The following NEK3 variants were observed in gnomAD, a reference collection of about 807,000 sequenced individuals.
NEK3 encodes serine/threonine-protein kinase Nek3.
Under a neutral mutation model 66.0 loss-of-function variants are expected in NEK3, and 54 were observed. The ratio of observed to expected loss-of-function variants is 0.82; its 90% CI spans 0.66 to 1.03. The LOEUF is 1.03. Ranked by LOEUF, NEK3 falls within the 50% of genes least tolerant of loss-of-function variation. The pLI is 0.00. For missense variants in NEK3, 593 were observed against 603.0 expected (o/e 0.98, Z 0.17); for synonymous variants, 200 against 206.2 (o/e 0.97, Z 0.26).
At chr13:52,142,444 T>C (rs1304619157) in intron 10 of NEK3, among the ~76,000 whole-genome samples, 1 of 152,024 alleles carries the variant, frequency 6.6e-6, no homozygotes, top group Admixed American at 6.6e-5. Context: ...GCCCAGCTAA[T>C]TTTTTGTATT....
At chr13:52,135,091 A>G (rs968072382) in intron 14 of NEK3, among the ~76,000 whole-genome samples, 1 of 152,198 alleles carries the variant, frequency 6.6e-6, no homozygotes, top group African/African-American at 2.4e-5. Flanking sequence ...TTAAATTATT[A>G]TAATTATAAT....
At chr13:52,144,199 A>C (rs908884362) in intron 9 of NEK3, among the ~76,000 whole-genome samples, 2 of 152,246 alleles carry the variant, frequency 1.3e-5, no homozygotes, top group Non-Finnish European at 2.9e-5. Flanking sequence ...AGATTGCCTG[A>C]GGTCAGGAGT....
At chr13:52,144,921 G>A in intron 8 of NEK3, 30 bp from the exon 9 acceptor site, 1 of 1,450,322 alleles carries the variant, frequency 6.9e-7, no homozygotes, top group South Asian at 1.2e-5. Flanking sequence ...TTTACAAGCA[G>A]ATACAGGGGA....
chr13:52,136,217 A>T lies in NEK3; in HGVS notation c.1073T>A (p.Leu358His). The T allele has an allele frequency of 6.2e-7, 1 of 1,613,820 alleles. No individual in the cohort carries two copies. The highest frequency in any genetic ancestry group is 8.5e-7 in the Non-Finnish European group (1 of 1,179,752). Residue 358 changes from leucine (L) to histidine (H), a missense_variant, in exon 13 of 16, where the codon CTT becomes CAT. By Grantham distance (99) the Leu-to-His change is moderately conservative. Transcript: ENST00000610828. Reference protein sequence around the residue: ...VHLRKASSPNLHRRQWEKNVP... With the variant: ...VHLRKASSPNHHRRQWEKNVP... ...ATTTTTCTCCCACTGTCGTCTATGA[A>T]GATTTGGTGAACTGGCTTTCCTCAG... is the stretch of plus-strand genomic sequence containing the variant.
chr13:52,142,240 G>T (rs984777679), intron 10 of NEK3, among the ~76,000 whole-genome samples: 2 of 151,606 alleles, frequency 1.3e-5, no homozygotes, highest in Non-Finnish European at 2.9e-5. Flanking sequence ...TAACACCTAT[G>T]CTAAAGCAAA....
At chr13:52,139,280 G>C (rs1351541888) in intron 11 of NEK3, among the ~76,000 whole-genome samples, 8 of 152,194 alleles carry the variant, frequency 5.3e-5, no homozygotes, top group Admixed American at 5.2e-4. Flanking sequence ...CATTATGTAA[G>C]TGAAAGAGGC....
chr13:52,133,788 A>G lies in NEK3; in HGVS notation c.1337T>C (p.Leu446Pro). 1.0e-5 allele frequency: 16 copies of G among 1,598,952 alleles called. No individual in the cohort carries two copies. Among genetic ancestry groups the G allele is most frequent in the Non-Finnish European group, 1.4e-5 (16 of 1,172,100 alleles). Residue 446 changes from leucine (L) to proline (P), a missense_variant, in exon 15 of 16, where the codon CTG becomes CCG. Leu to Pro is a moderately conservative substitution (Grantham distance 98). Transcript: ENST00000610828. The part of the protein sequence containing the change: ...PGSEGFLKGP[L>P]SEETEASDSV... ...GTCCGATGCTTCTGTTTCTTCAGAC[A>G]GGGGGCCTTTCAAGAACCCTTCTGA...
At chr13:52,152,586 G>C (rs1488496514) in intron 5 of NEK3, 23 bp downstream of exon 5, 7 of 1,478,144 alleles carry the variant, frequency 4.7e-6, no homozygotes, top group Non-Finnish European at 6.4e-6. Flanking sequence ...TTTTTTTTAA[G>C]TCCAAAAATG....
At chr13:52,150,071 A>G (rs1956330126) in intron 7 of NEK3, among the ~76,000 whole-genome samples, 1 of 152,194 alleles carries the variant, frequency 6.6e-6, no homozygotes, top group Non-Finnish European at 1.5e-5. Context: ...AAGTCCCTGT[A>G]GAGCTGTTTT....
chr13:52,134,006 GA>G (rs1447951338), intron 14 of NEK3, among the ~76,000 whole-genome samples, 191 bp from the exon 15 acceptor site: 1 of 152,106 alleles, frequency 6.6e-6, no homozygotes, highest in Non-Finnish European at 1.5e-5. Context: ...GAAGCACTGG[GA>G]TGTGGACTAA....
At chr13:52,158,847 C>G (rs983975950) in intron 1 of NEK3, among the ~76,000 whole-genome samples, 9 of 152,224 alleles carry the variant, frequency 5.9e-5, no homozygotes, top group Admixed American at 1.3e-4. Context: ...TCTAACATGA[C>G]TGACTCCATC....
At chr13:52,149,008 C>T (rs1476328850) in intron 7 of NEK3, among the ~76,000 whole-genome samples, 2 of 152,170 alleles carry the variant, frequency 1.3e-5, no homozygotes, top group Non-Finnish European at 2.9e-5. Flanking sequence ...TCTCCTGCCT[C>T]AGCCTCCAGA....
At chr13:52,155,605 C>T (rs879311294) in intron 2 of NEK3, among the ~76,000 whole-genome samples, 4 of 152,174 alleles carry the variant, frequency 2.6e-5, no homozygotes, top group Non-Finnish European at 4.4e-5. Context: ...ATGTATCGAG[C>T]CCTTGTAAAG....
intron 2 of NEK3, among the ~76,000 whole-genome samples, chr13:52,154,836 T>C (rs1355145749): frequency 6.7e-6 from 1 of 148,608 alleles, no homozygotes; most frequent in Non-Finnish European, 1.5e-5. Context: ...AGATGTAGTA[T>C]AGTCCCAGCC....
intron 1 of NEK3, among the ~76,000 whole-genome samples, chr13:52,158,419 T>C (rs1404409815): frequency 1.3e-5 from 2 of 152,230 alleles, no homozygotes; most frequent in African/African-American, 4.8e-5. Context: ...TGAGTGTATA[T>C]AGATGTGAAA....
In NEK3 at chr13:52,135,805, G is replaced by A; in HGVS notation, c.1233C>T (p.Thr411=). 6.2e-7 allele frequency: 1 copy of A among 1,613,486 alleles called. No homozygotes were observed. Among genetic ancestry groups the A allele is most frequent in the Non-Finnish European group, 8.5e-7 (1 of 1,179,630 alleles). ...NTTRKQWLKE[T]PDTLLNILKN... ...TAAGGATGTTCAACAAAGTGTCAGGGGTCTCTTTGAGCCACTGCTTACGAG... is the reference window on the plus strand; with the variant it reads ...TAAGGATGTTCAACAAAGTGTCAGGAGTCTCTTTGAGCCACTGCTTACGAG... Residue 411 remains threonine (T), a synonymous_variant, in exon 14 of 16, where the codon ACC becomes ACT. Transcript: ENST00000610828.
intron 2 of NEK3, 131 bp from the exon 3 acceptor site, chr13:52,154,304 T>C (rs1183079572): frequency 1.8e-6 from 1 of 556,130 alleles, no homozygotes; most frequent in East Asian, 3.0e-5. Context: ...CAACTTAAGT[T>C]TGTCAAATGA....
chr13:52,154,128 CTA>C lies in NEK3; in HGVS notation c.161_162del (p.Leu54CysfsTer7). The C allele has an allele frequency of 1.2e-6, 2 of 1,611,548 alleles. No individual in the cohort carries two copies. The highest frequency in any genetic ancestry group is 1.7e-6 in the Non-Finnish European group (2 of 1,178,588). ...TQNSRKEAVL[L>X]AKMKHPNIVA... ...ACAATATTAGGGTGTTTCATTTTGG[CTA>C]AAAGAACAGCCTCCTTCCTAGAATT... On this transcript the variant is annotated frameshift_variant, in exon 3 of 16. Coordinates refer to ENST00000610828, the MANE Select transcript of NEK3 (RefSeq NM_002498.3). LOFTEE classifies it high-confidence loss of function.
rs537689974 is a variant in NEK3 at position 52,136,192 on chromosome 13, A to C, written c.1098T>G (p.Asn366Lys). The change falls in exon 13 of 16, where the codon AAT becomes AAG. Residue 366 changes from asparagine to lysine, a missense_variant. Transcript: ENST00000610828. ...AAGCTGTAAGAGCTGTATTGGGTAC[A>C]TTTTTCTCCCACTGTCGTCTATGAA... ...PNLHRRQWEK[N>K]VPNTALTALE... 7.4e-6 allele frequency: 12 copies of C among 1,613,750 alleles called. No homozygotes were observed. The African/African-American group carries it at 9.3e-5, about 13-fold the overall frequency.
Sources: allele counts gnomAD v4.1 joint callset (sites outside exome capture counted in the v4.1 genomes callset), GRCh38; gene constraint gnomAD v4.1.1; transcripts MANE v1.5; gene names NCBI Gene and HGNC (gene_info 2026-07-23, HGNC 2026-07-21).